Variants in COL28A1 observed in about 807,000 individuals in gnomAD.
The protein encoded by COL28A1 is collagen type XXVIII alpha 1 chain, also known as collagen alpha-1(XXVIII) chain.
A neutral mutation model predicts 150.2 loss-of-function variants in COL28A1; 161 were observed. That is an observed-to-expected ratio of 1.07 (90% CI 0.94 to 1.22). COL28A1 has a LOEUF of 1.22. Among genes scored for constraint, COL28A1 ranks in the 50% most tolerant of loss-of-function variants. The pLI is 0.00. For synonymous variants in COL28A1, 552 were observed against 469.7 expected (o/e 1.18, Z -2.26); for missense variants, 1,617 against 1,388.3 (o/e 1.16, Z -2.62).
chr7:7,524,389 T>C lies in COL28A1; in HGVS notation c.682-140A>G, dbSNP rs1781907437. On this transcript the variant is annotated intron_variant, in intron 3 of 34. Coordinates refer to ENST00000399429, the MANE Select transcript of COL28A1 (RefSeq NM_001037763.3). ...AGCCTTTTTAAACTTGTAAAAGCAATAAAACCAACCAGCCAACCACCCAAG... is the reference window on the plus strand; with the variant it reads ...AGCCTTTTTAAACTTGTAAAAGCAACAAAACCAACCAGCCAACCACCCAAG... 25 of 642,908 alleles carry C rather than the reference T, an allele frequency of 3.9e-5. No homozygotes were observed. In the South Asian group the frequency reaches 4.8e-4, roughly 12 times the overall value. 39.8% of individuals were successfully genotyped at this position (642,908 alleles called of 1,614,324 possible). A position where few individuals can be genotyped will look rare whatever the true frequency, so the allele number is the denominator to read the frequency against.
intron 13 of COL28A1, among the ~76,000 whole-genome samples, chr7:7,480,611 C>A (rs544569448): frequency 2.6e-5 from 4 of 151,658 alleles, no homozygotes; most frequent in Admixed American, 2.6e-4. Context: ...AATAATATGA[C>A]AAATGAAAAA....
chr7:7,348,439 C>T, the COL28A1 span, among the ~76,000 whole-genome samples: 1 of 151,946 alleles, frequency 6.6e-6, no homozygotes, highest in African/African-American at 2.4e-5. Context: ...AAGAGATCTC[C>T]AGTCTCTGGT....
At chr7:7,483,212 T>A (rs981067117) in intron 13 of COL28A1, among the ~76,000 whole-genome samples, 6 of 152,092 alleles carry the variant, frequency 3.9e-5, no homozygotes, top group African/African-American at 1.4e-4. Context: ...AAAGTAAAAA[T>A]ATATATATAA....
chr7:7,409,075 C>T (rs1332638936), intron 27 of COL28A1, among the ~76,000 whole-genome samples: 1 of 152,060 alleles, frequency 6.6e-6, no homozygotes, highest in Non-Finnish European at 1.5e-5. Flanking sequence ...TAAAATAATA[C>T]ATCATATTTA....
chr7:7,426,794 AGCAAATGATG>A (rs1784661423), intron 25 of COL28A1, among the ~76,000 whole-genome samples: 1 of 152,218 alleles, frequency 6.6e-6, no homozygotes, highest in South Asian at 2.1e-4. Flanking sequence ...ATCAAAGATG[AGCAAATGATG>A]GCCTTTTGCC....
intron 13 of COL28A1, among the ~76,000 whole-genome samples, chr7:7,480,788 A>G (rs1482985043): frequency 1.3e-5 from 2 of 152,188 alleles, no homozygotes; most frequent in Non-Finnish European, 2.9e-5. Context: ...ACAATATTGC[A>G]TAATAGTTAA....
chr7:7,447,441 TA>T (rs1354315518), intron 18 of COL28A1, among the ~76,000 whole-genome samples: 1 of 151,250 alleles, frequency 6.6e-6, no homozygotes, highest in African/African-American at 2.4e-5. Flanking sequence ...TAATAATATT[TA>T]ATTTAAAAAT....
At position 7,370,843 on chromosome 7, in the gene COL28A1, T is replaced by A. The variant is rs1250077273; in HGVS notation, c.2948A>T (p.Asp983Val). The change falls in exon 33 of 35, where the codon GAT becomes GTT. Residue 983 changes from aspartate (D) to valine (V), a missense_variant. Asp to Val is a radical substitution (Grantham distance 152). Coordinates refer to ENST00000399429, the MANE Select transcript of COL28A1 (RefSeq NM_001037763.3). ...AATTTGAACGAGATAGGAATCAAAA[T>A]CCTCACAAATTTTTTGAAACAATTT... ...KQKLFQKICE[D>V]FDSYLVQIFG... 1.2e-6 allele frequency: 2 copies of A among 1,612,558 alleles called. No homozygotes were observed. The highest frequency in any genetic ancestry group is 1.7e-6 in the Non-Finnish European group (2 of 1,179,346).
At chr7:7,377,317 T>C (rs1356426534) in intron 30 of COL28A1, among the ~76,000 whole-genome samples, 1 of 152,186 alleles carries the variant, frequency 6.6e-6, no homozygotes, top group East Asian at 1.9e-4. Flanking sequence ...AATAACTACC[T>C]TGGCTACTTG....
intron 27 of COL28A1, among the ~76,000 whole-genome samples, chr7:7,398,509 T>G (rs1246984830): frequency 6.6e-6 from 1 of 152,222 alleles, no homozygotes; most frequent in Non-Finnish European, 1.5e-5. Context: ...TTCACAGAAT[T>G]TAGTCCTGTT....
At chr7:7,542,486 T>C in the COL28A1 span, among the ~76,000 whole-genome samples, 1 of 152,164 alleles carries the variant, frequency 6.6e-6, no homozygotes, top group Non-Finnish European at 1.5e-5. Flanking sequence ...TTTCTGTATG[T>C]TTGACAATTT....
intron 3 of COL28A1, among the ~76,000 whole-genome samples, chr7:7,526,041 A>T (rs561497317): frequency 1.4e-4 from 21 of 152,358 alleles, no homozygotes; most frequent in Admixed American, 1.2e-3. Flanking sequence ...AGGAGGTCCT[A>T]TGGAGAAATA....
At chr7:7,473,673 A>G (rs1456386558) in intron 15 of COL28A1, among the ~76,000 whole-genome samples, 1 of 152,218 alleles carries the variant, frequency 6.6e-6, no homozygotes, top group Admixed American at 6.5e-5. Flanking sequence ...TGATCCAGCA[A>G]TCCCACTACT....
intron 13 of COL28A1, among the ~76,000 whole-genome samples, chr7:7,481,125 A>T (rs1451516867): frequency 6.6e-6 from 1 of 152,228 alleles, no homozygotes; most frequent in African/African-American, 2.4e-5. Flanking sequence ...TAAATTAAAC[A>T]ATGTGTAAAA....
chr7:7,530,165 C>T lies in COL28A1; in HGVS notation c.681+1183G>A, dbSNP rs192989927. On this transcript the variant is annotated intron_variant, in intron 3 of 34. Coordinates refer to ENST00000399429, the MANE Select transcript of COL28A1 (RefSeq NM_001037763.3). Reference sequence around the variant, plus strand: ...AGCATGCAAACTGTGAGGTCTTCACCGGCCTTAAATTTTCAACTACAAAAT... The same window carrying T: ...AGCATGCAAACTGTGAGGTCTTCACTGGCCTTAAATTTTCAACTACAAAAT... Among the ~76,000 whole-genome samples the T allele has an allele frequency of 4.6e-5, 7 of 152,202 alleles. No homozygotes were observed. In the South Asian group the frequency reaches 6.2e-4, roughly 14 times the overall value.
intron 15 of COL28A1, among the ~76,000 whole-genome samples, chr7:7,465,590 G>T (rs923056386): frequency 1.5e-5 from 2 of 135,700 alleles, no homozygotes; most frequent in Non-Finnish European, 3.2e-5. Flanking sequence ...GCTCGAACTG[G>T]GTGGAGCCCA....
rs73674536 is a variant in COL28A1, at chr7:7,417,786, G to A, written c.2136+73C>T. The A allele has an allele frequency of 7.4e-3, 9,667 of 1,298,608 alleles. 465 individuals are homozygous for A. The African/African-American group carries it at 0.12, about 16-fold the overall frequency. The allele number at this position is 1,298,608 out of a possible 1,614,324, so 80.4% of individuals were successfully genotyped here. On this transcript the variant is annotated intron_variant, in intron 27 of 34. Coordinates refer to ENST00000399429, the MANE Select transcript of COL28A1 (RefSeq NM_001037763.3). ...TCTATTTCATAATAGCCATTTTTGC[G>A]TTATCTACAACCTCTTCTCCCAATC... is the stretch of plus-strand genomic sequence containing the variant.
chr7:7,533,037 T>C (rs1782457584), intron 1 of COL28A1, 125 bp from the exon 2 acceptor site: 5 of 1,044,590 alleles, frequency 4.8e-6, no homozygotes, highest in East Asian at 5.9e-5. Context: ...TTCATATTTC[T>C]AGAAAAATAT....
Position 7,436,444 on chromosome 7 carries a change from C to G in COL28A1, c.1811G>C (p.Gly604Ala). 1 of 1,399,378 alleles carries G rather than the reference C, an allele frequency of 7.1e-7. No homozygotes were observed. The highest frequency in any genetic ancestry group is 1.0e-6 in the Non-Finnish European group (1 of 984,080). The allele number at this position is 1,399,378 out of a possible 1,614,324, so 86.7% of individuals were successfully genotyped here. ...AGGTTCTCCCTTAAATCCAGGTATC[C>G]CAGGTCCTCCTCTATCTCCCTGTAC... ...PGPKGDRGGP[G>A]IPGFKGEPGL... Residue 604 changes from glycine to alanine, a missense_variant, in exon 23 of 35, where the codon GGG becomes GCG. Transcript: ENST00000399429.
Sources: gnomAD v4.1 joint callset for allele counts (sites outside exome capture counted in the v4.1 genomes callset) on GRCh38, gnomAD v4.1.1 for gene constraint, MANE v1.5 for transcripts, NCBI Gene and HGNC (gene_info 2026-07-23, HGNC 2026-07-21) for gene names.